SCFD2: variants seen among roughly 807,000 people sequenced by gnomAD.
SCFD2 encodes sec1 family domain containing 2.
Under a neutral mutation model 58.9 loss-of-function variants are expected in SCFD2, and 54 were observed. The observed-to-expected ratio is 0.92, with a 90% CI of 0.74 to 1.15. SCFD2 has a LOEUF of 1.15. SCFD2 is among the 50% of genes most tolerant of loss of function. The pLI, the probability that SCFD2 is intolerant of heterozygous loss-of-function variation, is 0.00. For synonymous variants in SCFD2, 321 were observed against 335.9 expected (o/e 0.96, Z 0.49); for missense variants, 805 against 836.6 (o/e 0.96, Z 0.47).
intron 4 of SCFD2, among the ~76,000 whole-genome samples, chr4:53,218,456 C>T (rs1237560545): frequency 3.3e-5 from 5 of 152,196 alleles, no homozygotes; most frequent in South Asian, 4.1e-4. Flanking sequence ...CTTGTGCATT[C>T]GTCACATGGT....
chr4:53,122,375 TA>T (rs1334103786), intron 5 of SCFD2, among the ~76,000 whole-genome samples: 696 of 140,266 alleles, frequency 5.0e-3, no homozygotes, highest in Middle Eastern at 7.4e-3. Flanking sequence ...AGACTCCGTC[TA>T]AAAAAAAAAA....
At chr4:52,928,860 T>G (rs1015522485) in intron 5 of SCFD2, among the ~76,000 whole-genome samples, 10 of 151,810 alleles carry the variant, frequency 6.6e-5, no homozygotes, top group Non-Finnish European at 1.5e-4. Context: ...TTTAAATAGG[T>G]GAATGGGGAA....
intron 5 of SCFD2, among the ~76,000 whole-genome samples, chr4:52,930,960 A>G (rs1049779356): frequency 2.0e-5 from 3 of 152,074 alleles, no homozygotes; most frequent in African/African-American, 7.2e-5. Context: ...CAGCGTTTCG[A>G]CTTTGGGACC....
At chr4:53,313,855 G>T in intron 2 of SCFD2, 92 bp from the exon 3 acceptor site, 2 of 1,217,926 alleles carry the variant, frequency 1.6e-6, no homozygotes, top group Non-Finnish European at 2.4e-6. Flanking sequence ...ATATATTTTT[G>T]AGCATTAATG....
At chr4:52,928,599 C>T (rs533242756) in intron 5 of SCFD2, among the ~76,000 whole-genome samples, 29 of 152,328 alleles carry the variant, frequency 1.9e-4, no homozygotes, top group African/African-American at 7.0e-4. Context: ...AGTCTCCCTT[C>T]TGGCTCCCCG....
intron 5 of SCFD2, among the ~76,000 whole-genome samples, chr4:53,115,735 G>A (rs1725300190): frequency 6.6e-6 from 1 of 152,088 alleles, no homozygotes; most frequent in Non-Finnish European, 1.5e-5. Context: ...ACTTTTTCCT[G>A]ACATATCTAT....
chr4:53,342,536 T>C (rs1262979002), intron 2 of SCFD2, among the ~76,000 whole-genome samples: 1 of 152,128 alleles, frequency 6.6e-6, no homozygotes, highest in African/African-American at 2.4e-5. Context: ...ATTGTCAACA[T>C]TAGACAGATC....
intron 1 of SCFD2, among the ~76,000 whole-genome samples, chr4:53,361,645 C>T (rs1037039844): frequency 6.6e-6 from 1 of 152,202 alleles, no homozygotes; most frequent in African/African-American, 2.4e-5. Flanking sequence ...GATTCACCAG[C>T]CTCAGCCTGG....
chr4:53,114,475 C>T (rs1412299426), intron 5 of SCFD2, among the ~76,000 whole-genome samples: 2 of 152,100 alleles, frequency 1.3e-5, no homozygotes, highest in Non-Finnish European at 2.9e-5. Context: ...TATCATTCTT[C>T]TTGTTTTCCT....
intron 4 of SCFD2, among the ~76,000 whole-genome samples, chr4:53,157,230 A>G (rs1440528122): frequency 6.6e-6 from 1 of 152,236 alleles, no homozygotes; most frequent in African/African-American, 2.4e-5. Flanking sequence ...CCAAATGACC[A>G]ATGCATGATG....
chr4:53,365,166 C>T lies in SCFD2; in HGVS notation c.776G>A (p.Arg259Lys), dbSNP rs757036774. ...DLANYAPAKN[R>K]KKTAAGRASV... ...TGCCCTGCCTGCAGCAGTCTTCTTC[C>T]TGTTCTTTGCAGGGGCATAATTGGC... The change falls in exon 1 of 9, where the codon AGG becomes AAG. Residue 259 changes from arginine to lysine, a missense_variant. This residue lies in a region of SCFD2 where 633 missense variants were observed against 646.8 expected (regional missense o/e 0.98). Transcript: ENST00000401642. This position sits in a 1 kb window ranked among gnomAD's most constrained non-coding sequence, Gnocchi z 4.3. 6.2e-7 allele frequency: 1 copy of T among 1,614,230 alleles called. No individual in the cohort carries two copies. Among genetic ancestry groups the T allele is most frequent in the African/African-American group, 1.3e-5 (1 of 75,062 alleles).
chr4:53,102,514 A>G (rs1199263224), intron 5 of SCFD2, among the ~76,000 whole-genome samples: 1 of 152,098 alleles, frequency 6.6e-6, no homozygotes, highest in Non-Finnish European at 1.5e-5. Context: ...CATAATTTAT[A>G]AAGAACTTTT....
intron 5 of SCFD2, among the ~76,000 whole-genome samples, chr4:52,953,644 C>T (rs143426281): frequency 6.6e-6 from 1 of 152,278 alleles, no homozygotes; most frequent in African/African-American, 2.4e-5. Context: ...CCTGAAACTG[C>T]TTTGTCAAGT....
chr4:53,255,333 G>A (rs1235409674), intron 4 of SCFD2, among the ~76,000 whole-genome samples: 1 of 152,058 alleles, frequency 6.6e-6, no homozygotes, highest in African/African-American at 2.4e-5. Flanking sequence ...AACGGTCTCT[G>A]GTTTTCCTAG....
chr4:53,361,459 C>T (rs773072782), intron 1 of SCFD2, among the ~76,000 whole-genome samples: 28 of 152,188 alleles, frequency 1.8e-4, no homozygotes, highest in Non-Finnish European at 1.0e-4. Context: ...TGCAATGGCA[C>T]GATCACAGCT....
At chr4:53,213,728 C>T (rs1416759432) in intron 4 of SCFD2, among the ~76,000 whole-genome samples, 1 of 152,054 alleles carries the variant, frequency 6.6e-6, no homozygotes. Flanking sequence ...CATATGTATA[C>T]ATGTGCCAAG....
At chr4:53,079,323 C>T (rs534510270) in intron 5 of SCFD2, among the ~76,000 whole-genome samples, 3 of 152,290 alleles carry the variant, frequency 2.0e-5, no homozygotes, top group African/African-American at 7.2e-5. Context: ...CCCACTCCCA[C>T]TGGTGAGGGC....
chr4:53,013,852 C>T (rs1722152448), intron 5 of SCFD2, among the ~76,000 whole-genome samples: 1 of 151,996 alleles, frequency 6.6e-6, no homozygotes, highest in African/African-American at 2.4e-5. Flanking sequence ...GGTATTATTG[C>T]TTGGATTCCG....
chr4:53,232,603 T>A (rs1729473406), intron 4 of SCFD2, among the ~76,000 whole-genome samples: 1 of 152,192 alleles, frequency 6.6e-6, no homozygotes, highest in Admixed American at 6.6e-5. Flanking sequence ...AGTTCCAGAA[T>A]GTTTATAAAA....
Sources: allele counts gnomAD v4.1 joint callset (sites outside exome capture counted in the v4.1 genomes callset), GRCh38; gene constraint gnomAD v4.1.1; regional missense constraint gnomAD v4.1.1; non-coding constraint Gnocchi (gnomAD v3.1); transcripts MANE v1.5; gene names NCBI Gene and HGNC (gene_info 2026-07-23, HGNC 2026-07-21).